Variants in DAB1 observed in about 807,000 individuals in gnomAD.
DAB1 encodes the protein disabled homolog 1.
A neutral mutation model predicts 64.6 loss-of-function variants in DAB1; 15 were observed. The ratio of observed to expected loss-of-function variants is 0.23; its 90% CI spans 0.16 to 0.36. The LOEUF is 0.36. Ranked by LOEUF, DAB1 falls within the 10% of genes least tolerant of loss-of-function variation. DAB1 has a pLI of 1.00. For synonymous variants in DAB1, 235 were observed against 251.9 expected, an observed-to-expected ratio of 0.93 and a Z score of 0.64; for missense variants, 596 against 706.7, an observed-to-expected ratio of 0.84 and a Z score of 1.78.
intron 5 of DAB1, among the ~76,000 whole-genome samples, chr1:57,956,724 T>G (rs1008461045): frequency 6.6e-6 from 1 of 152,308 alleles, no homozygotes; most frequent in Middle Eastern, 3.4e-3. Context: ...TAAGGGTACG[T>G]GTAACCACTC....
At chr1:57,070,925 T>A in intron 7 of DAB1, 98 bp downstream of exon 7, 1 of 1,066,150 alleles carries the variant, frequency 9.4e-7, no homozygotes, top group Non-Finnish European at 1.5e-6. Flanking sequence ...TCTCTCCAGG[T>A]TTTGCAGTCA....
intron 4 of DAB1, among the ~76,000 whole-genome samples, chr1:57,081,315 T>C (rs1652533565): frequency 6.6e-6 from 1 of 152,198 alleles, no homozygotes; most frequent in African/African-American, 2.4e-5. Flanking sequence ...CAACTGAGTT[T>C]AAGGTTCTCA....
At chr1:58,004,250 C>T (rs1041413385) in intron 5 of DAB1, among the ~76,000 whole-genome samples, 1 of 152,190 alleles carries the variant, frequency 6.6e-6, no homozygotes, top group African/African-American at 2.4e-5. Context: ...ACATGTTATA[C>T]AAATATATAT....
At chr1:58,247,627 TC>T (rs1660606471) in intron 4 of DAB1, among the ~76,000 whole-genome samples, 3 of 152,218 alleles carry the variant, frequency 2.0e-5, no homozygotes, top group Non-Finnish European at 4.4e-5. Flanking sequence ...CTGGAATGTG[TC>T]TTGTGCAGTT....
At chr1:58,000,176 C>T (rs901389637) in intron 5 of DAB1, among the ~76,000 whole-genome samples, 2 of 152,082 alleles carry the variant, frequency 1.3e-5, no homozygotes, top group Non-Finnish European at 2.9e-5. Context: ...TGTGCTAGAG[C>T]CTGGGAGCTA....
chr1:58,440,914 A>C (rs1004712398), intron 3 of DAB1, among the ~76,000 whole-genome samples: 15 of 152,324 alleles, frequency 9.8e-5, no homozygotes, highest in African/African-American at 3.1e-4. Flanking sequence ...CAATAACCGC[A>C]TGATTAAGTC....
chr1:57,524,892 T>G (rs975324718), intron 7 of DAB1, among the ~76,000 whole-genome samples: 1 of 151,902 alleles, frequency 6.6e-6, no homozygotes, highest in Non-Finnish European at 1.5e-5. Flanking sequence ...CAAACAAAAA[T>G]GAACCAACCA....
At chr1:58,062,975 CTTAT>C (rs1648597788) in intron 5 of DAB1, among the ~76,000 whole-genome samples, 1 of 152,210 alleles carries the variant, frequency 6.6e-6, no homozygotes, top group South Asian at 2.1e-4. Context: ...TATCAACCAA[CTTAT>C]TTATTCATTC....
At chr1:57,539,857 C>G (rs1644780064) in intron 7 of DAB1, among the ~76,000 whole-genome samples, 1 of 152,088 alleles carries the variant, frequency 6.6e-6, no homozygotes, top group Non-Finnish European at 1.5e-5. Flanking sequence ...CAAGGTAGTC[C>G]AGAGCTTATA....
chr1:57,287,712 T>C (rs909073469), intron 2 of DAB1, among the ~76,000 whole-genome samples: 22 of 152,186 alleles, frequency 1.4e-4, no homozygotes, highest in African/African-American at 5.1e-4. Flanking sequence ...AATGAAATAC[T>C]ATTACATCAT....
intron 6 of DAB1, among the ~76,000 whole-genome samples, chr1:57,659,978 A>AAAATAAATAAATAAAT (rs55782137): frequency 2.2e-5 from 3 of 138,724 alleles, no homozygotes; most frequent in Non-Finnish European, 3.1e-5. Context: ...CTCTCTCTCA[A>AAAATAAATAAATAAAT]AAATAAATAA....
intron 6 of DAB1, among the ~76,000 whole-genome samples, chr1:57,809,484 A>C (rs920998575): frequency 6.6e-5 from 10 of 152,220 alleles, no homozygotes; most frequent in African/African-American, 1.9e-4. Flanking sequence ...CTGGGATTTA[A>C]ACTAAGATCT....
At chr1:57,333,982 G>A (rs906012165) in intron 1 of DAB1, among the ~76,000 whole-genome samples, 3 of 152,128 alleles carry the variant, frequency 2.0e-5, no homozygotes, top group South Asian at 2.1e-4. Context: ...GGTTGGAGGA[G>A]GTAGTAAAGG....
intron 5 of DAB1, among the ~76,000 whole-genome samples, chr1:58,109,759 T>C (rs1258465019): frequency 6.6e-6 from 1 of 151,370 alleles, no homozygotes; most frequent in Non-Finnish European, 1.5e-5. Context: ...AAAGGGGGTA[T>C]AGTAAACAAA....
chr1:57,928,971 G>T (rs1240957833), intron 5 of DAB1, among the ~76,000 whole-genome samples: 2 of 152,258 alleles, frequency 1.3e-5, no homozygotes, highest in South Asian at 2.1e-4. Flanking sequence ...ACAATTGCGG[G>T]GTCAAATGCT....
At chr1:58,261,707 T>G (rs1276978722) in intron 4 of DAB1, among the ~76,000 whole-genome samples, 1 of 151,204 alleles carries the variant, frequency 6.6e-6, no homozygotes, top group Non-Finnish European at 1.5e-5. Context: ...GATCAATTTG[T>G]TTTTTTGTTT....
intron 6 of DAB1, among the ~76,000 whole-genome samples, chr1:57,655,609 G>A (rs1351880766): frequency 6.6e-6 from 1 of 152,160 alleles, no homozygotes; most frequent in Non-Finnish European, 1.5e-5. Flanking sequence ...AGGGGACAGA[G>A]AAAGACAATA....
intron 4 of DAB1, among the ~76,000 whole-genome samples, chr1:58,252,404 A>G (rs913635449): frequency 6.6e-6 from 1 of 152,246 alleles, no homozygotes; most frequent in African/African-American, 2.4e-5. Flanking sequence ...TGCCACCTTC[A>G]TCTAGTTAGA....
intron 7 of DAB1, among the ~76,000 whole-genome samples, chr1:57,446,207 C>T (rs550488903): frequency 6.6e-6 from 1 of 152,298 alleles, no homozygotes; most frequent in East Asian, 1.9e-4. Flanking sequence ...TCCATCTTCA[C>T]TGTAGATACA....
Sources: gnomAD v4.1 joint callset for allele counts (sites outside exome capture counted in the v4.1 genomes callset) on GRCh38, gnomAD v4.1.1 for gene constraint, MANE v1.5 for transcripts, NCBI Gene and HGNC (gene_info 2026-07-23, HGNC 2026-07-21) for gene names.